Variants in TMEM131L observed in about 807,000 individuals in gnomAD.
TMEM131L encodes transmembrane protein 131-like.
Under a neutral mutation model 192.2 loss-of-function variants are expected in TMEM131L, and 54 were observed. The ratio of observed to expected loss-of-function variants is 0.28; its 90% CI spans 0.23 to 0.35. The LOEUF is 0.35. Ranked by LOEUF, TMEM131L falls within the 10% of genes least tolerant of loss-of-function variation. The pLI is 1.00. For synonymous variants in TMEM131L, 701 were observed against 704.9 expected, an observed-to-expected ratio of 0.99 and a Z score of 0.09; for missense variants, 1,888 against 1,972.9, an observed-to-expected ratio of 0.96 and a Z score of 0.82.
At chr4:153,505,427 G>A (rs6535918) in intron 3 of TMEM131L, among the ~76,000 whole-genome samples, 99,823 of 152,052 alleles carry the variant, frequency 0.66, 33,958 homozygotes, top group African/African-American at 0.85. Context: ...ATTTCTTACA[G>A]GGATGCCAGT....
intron 21 of TMEM131L, 108 bp downstream of exon 21, chr4:153,598,840 A>T: frequency 1.1e-6 from 1 of 898,192 alleles, no homozygotes; most frequent in Non-Finnish European, 1.5e-6. Flanking sequence ...AAATTTTTAA[A>T]TTCTAAAAAT....
rs1561212531 is a variant in TMEM131L, at chr4:153,582,430, G to GTTTT, written c.893-758_893-757insTTTT. On this transcript the variant is annotated intron_variant, in intron 9 of 34. Transcript: ENST00000409959. ...TGGCTAATTTAAACCGTTTTTTTTT[G>GTTTT]TTGTTTTTTTTTTTTTTTTTTTTTT... Among the ~76,000 whole-genome samples, 11 of 38,508 alleles carry GTTTT rather than the reference G, an allele frequency of 2.9e-4. 1 individual carries two copies. Among genetic ancestry groups the GTTTT allele is most frequent in the Non-Finnish European group, 4.6e-4 (10 of 21,616 alleles). The allele number at this position is 38,508 out of a possible 152,430, so 25.3% of individuals were successfully genotyped here.
chr4:153,597,244 GTTTA>G (rs1357856794), intron 20 of TMEM131L, among the ~76,000 whole-genome samples: 1 of 149,698 alleles, frequency 6.7e-6, no homozygotes, highest in Non-Finnish European at 1.5e-5. Context: ...TTCTTTTTTT[GTTTA>G]TTAATTTTTT....
intron 34 of TMEM131L, among the ~76,000 whole-genome samples, chr4:153,635,878 C>G (rs1054421359): frequency 6.6e-6 from 1 of 152,176 alleles, no homozygotes; most frequent in African/African-American, 2.4e-5. Flanking sequence ...CTGTGTGACA[C>G]AGCTGTCTTT....
Position 153,602,616 on chromosome 4 carries a change from G to T in TMEM131L, c.2528G>T (p.Arg843Leu). 1.2e-6 allele frequency: 2 copies of T among 1,614,018 alleles called. No homozygotes were observed. Among genetic ancestry groups the T allele is most frequent in the Non-Finnish European group, 8.5e-7 (1 of 1,179,984 alleles). ...GTAACCGCAGCGGACCTAGAATTTCGCTTCACTCTCAATGTGACTCTCCCT... is the reference window on the plus strand; with the variant it reads ...GTAACCGCAGCGGACCTAGAATTTCTCTTCACTCTCAATGTGACTCTCCCT... ...SLVTAADLEF[R>L]FTLNVTLPHH... is the part of the protein sequence containing the mutation. Residue 843 changes from arginine to leucine, a missense_variant, in exon 23 of 35, where the codon CGC (arginine) becomes CTC (leucine). Coordinates refer to ENST00000409959, the MANE Select transcript of TMEM131L (RefSeq NM_001131007.2).
At chr4:153,480,945 C>G (rs914871403) in intron 3 of TMEM131L, among the ~76,000 whole-genome samples, 1 of 152,156 alleles carries the variant, frequency 6.6e-6, no homozygotes, top group Non-Finnish European at 1.5e-5. Flanking sequence ...CTGTAGCCAC[C>G]CCATCCTGTT....
chr4:153,478,110 CTT>C (rs201293624), intron 3 of TMEM131L, among the ~76,000 whole-genome samples: 2,931 of 152,234 alleles, frequency 0.019, 54 homozygotes, highest in South Asian at 0.069. Flanking sequence ...TTTTTAAAAA[CTT>C]GACTTGCAAA....
chr4:153,585,687 C>A, intron 13 of TMEM131L, 76 bp downstream of exon 13: 1 of 945,198 alleles, frequency 1.1e-6, no homozygotes, highest in Non-Finnish European at 1.5e-6. Context: ...GAAATTATTT[C>A]TATAAAATAA....
At chr4:153,584,691 G>GTAGT in intron 11 of TMEM131L, 144 bp from the exon 12 acceptor site, 1 of 507,356 alleles carries the variant, frequency 2.0e-6, no homozygotes, top group African/African-American at 2.0e-5. Context: ...ATTTGAGAAA[G>GTAGT]TAGTTACCTT....
chr4:153,579,541 G>A (rs9993799), intron 7 of TMEM131L, among the ~76,000 whole-genome samples: 16,365 of 151,960 alleles, frequency 0.11, 2,680 homozygotes, highest in African/African-American at 0.35. Context: ...AAAGAGTCAC[G>A]GTTCACTACA....
rs114337333 is a variant in TMEM131L, at chr4:153,604,389, A to G, written c.3377A>G (p.Tyr1126Cys). 1.4e-3 allele frequency: 2,189 copies of G among 1,604,050 alleles called. 3 individuals are homozygous for G. Among genetic ancestry groups the G allele is most frequent in the Non-Finnish European group, 1.8e-3 (2,128 of 1,177,090 alleles). Reference sequence around the variant, plus strand: ...CATTTACCAAGAAACTCACCTCAGTACCACCAGCCAGACTTGCCAGAAATT... The same window carrying G: ...CATTTACCAAGAAACTCACCTCAGTGCCACCAGCCAGACTTGCCAGAAATT... ...ENHLPRNSPQ[Y>C]HQPDLPEISR... Residue 1126 changes from tyrosine (Y) to cysteine (C), a missense_variant, in exon 25 of 35, where the codon TAC becomes TGC. Coordinates refer to ENST00000409959, the MANE Select transcript of TMEM131L (RefSeq NM_001131007.2).
chr4:153,537,228 C>T (rs902867278), intron 3 of TMEM131L, among the ~76,000 whole-genome samples: 16 of 152,144 alleles, frequency 1.1e-4, no homozygotes, highest in African/African-American at 3.9e-4. Flanking sequence ...ATCTCTTGTA[C>T]TCATCTTTAT....
At chr4:153,585,040 A>G (rs6857611) in intron 12 of TMEM131L, 109 bp downstream of exon 12, 41,721 of 876,234 alleles carry the variant, frequency 0.048, 5,960 homozygotes, top group African/African-American at 0.43. Context: ...TCTCTCTCTC[A>G]CTGGCCTTGC....
intron 7 of TMEM131L, among the ~76,000 whole-genome samples, chr4:153,575,903 C>T (rs1729904147): frequency 6.6e-6 from 1 of 151,910 alleles, no homozygotes; most frequent in Admixed American, 6.6e-5. Context: ...GTGGTTGCCC[C>T]CTGGCTAACA....
Position 153,612,382 on chromosome 4 carries a change from G to A in TMEM131L, c.3549G>A (p.Gln1183=), listed in dbSNP as rs771034640. Residue 1183 remains glutamine (Q), a synonymous_variant, in exon 26 of 35, where the codon CAG becomes CAA. Transcript: ENST00000409959. ...GAGAAGACATGTTTTCTGAGAAACA[G>A]GACATACCTTTCGTAGAGGTCTGTA... The part of the protein sequence containing the change: ...TSREDMFSEK[Q]DIPFVEQEDP... 15 of 1,591,892 alleles carry A rather than the reference G, an allele frequency of 9.4e-6. No individual in the cohort carries two copies. The highest frequency in any genetic ancestry group is 1.2e-5 in the Non-Finnish European group (14 of 1,173,758).
chr4:153,520,771 T>G (rs759665033), intron 3 of TMEM131L, among the ~76,000 whole-genome samples: 4 of 152,172 alleles, frequency 2.6e-5, no homozygotes, highest in African/African-American at 7.2e-5. Flanking sequence ...GTGCTAGAGA[T>G]TCATGATTGG....
chr4:153,577,340 A>G (rs1374268896), intron 7 of TMEM131L, among the ~76,000 whole-genome samples: 2 of 152,146 alleles, frequency 1.3e-5, no homozygotes, highest in Non-Finnish European at 2.9e-5. Context: ...TATATGGGTA[A>G]ATTCACTCTT....
At chr4:153,529,974 T>A (rs1336639391) in intron 3 of TMEM131L, among the ~76,000 whole-genome samples, 1 of 152,180 alleles carries the variant, frequency 6.6e-6, no homozygotes, top group Non-Finnish European at 1.5e-5. Context: ...AGTTTATAGT[T>A]CATATTTGTG....
intron 7 of TMEM131L, among the ~76,000 whole-genome samples, chr4:153,570,554 C>T (rs372602395): frequency 1.3e-5 from 2 of 152,290 alleles, no homozygotes; most frequent in Non-Finnish European, 2.9e-5. Flanking sequence ...ATTTGCCTGG[C>T]GGTAGCCGAC....
Sources: allele counts gnomAD v4.1 joint callset (sites outside exome capture counted in the v4.1 genomes callset), GRCh38; gene constraint gnomAD v4.1.1; transcripts MANE v1.5; gene names NCBI Gene and HGNC (gene_info 2026-07-23, HGNC 2026-07-21).